The following EFCAB9 variants were observed in gnomAD, a reference collection of about 807,000 sequenced individuals.
EFCAB9 encodes EF-hand calcium binding domain 9, also known as EF-hand calcium-binding domain-containing protein 9.
Under a neutral mutation model 15.6 loss-of-function variants are expected in EFCAB9, and 16 were observed. The ratio of observed to expected loss-of-function variants is 1.03; its 90% CI spans 0.69 to 1.56. EFCAB9 has a LOEUF of 1.56. Among genes scored for constraint, EFCAB9 ranks in the 40% most tolerant of loss-of-function variants. The pLI, the probability that EFCAB9 is intolerant of heterozygous loss-of-function variation, is 0.00. For synonymous variants in EFCAB9, 76 were observed against 85.4 expected, an observed-to-expected ratio of 0.89 and a Z score of 0.61; for missense variants, 208 against 235.4, an observed-to-expected ratio of 0.88 and a Z score of 0.76.
chr5:172,198,673 G>T (rs905792580), intron 1 of EFCAB9, among the ~76,000 whole-genome samples: 1 of 152,160 alleles, frequency 6.6e-6, no homozygotes, highest in Non-Finnish European at 1.5e-5. Context: ...CTGGAGTGCA[G>T]CAGCACGATC....
intron 1 of EFCAB9, among the ~76,000 whole-genome samples, chr5:172,197,331 T>A (rs1459403584): frequency 2.0e-5 from 3 of 152,156 alleles, no homozygotes; most frequent in Non-Finnish European, 4.4e-5. Flanking sequence ...GATCTCGAAC[T>A]CGTGACCTCA....
rs1469226119 is a variant in EFCAB9 at position 172,200,700 on chromosome 5, ACTCAAAGAT to A, written c.424_432del (p.Lys142_Leu144del). The A allele has an allele frequency of 6.5e-7, 1 of 1,537,548 alleles. No individual in the cohort carries two copies. The highest frequency in any genetic ancestry group is 2.4e-5 in the East Asian group (1 of 40,920). On this transcript the variant is annotated inframe_deletion, in exon 3 of 4. Transcript: ENST00000398186. ...TTCTCTTCAATATTCAAAAACAGGA[ACTCAAAGAT>A]CTCTTCCGTGACTTTGACATTACAG...
intron 3 of EFCAB9, among the ~76,000 whole-genome samples, chr5:172,201,984 G>A (rs1771262798): frequency 1.3e-5 from 2 of 152,176 alleles, no homozygotes; most frequent in Non-Finnish European, 2.9e-5. Flanking sequence ...CCAGCCTGAA[G>A]CCTCTGGACT....
At chr5:172,200,796 G>C in intron 3 of EFCAB9, 54 bp downstream of exon 3, 1 of 1,481,692 alleles carries the variant, frequency 6.7e-7, no homozygotes, top group South Asian at 1.3e-5. Context: ...CCCAAAAGCA[G>C]AGAAAAATGT....
intron 2 of EFCAB9, 78 bp from the exon 3 acceptor site, chr5:172,200,488 G>C: frequency 7.2e-7 from 1 of 1,392,092 alleles, no homozygotes; most frequent in Non-Finnish European, 9.5e-7. Context: ...GGCTGGTGAA[G>C]ATATGTCTTG....
intron 1 of EFCAB9, among the ~76,000 whole-genome samples, chr5:172,197,041 A>G (rs893338213): frequency 6.6e-6 from 1 of 152,200 alleles, no homozygotes; most frequent in Non-Finnish European, 1.5e-5. Context: ...CACCATGGAA[A>G]AAAACACCAC....
At chr5:172,196,969 A>AT (rs1771174868) in intron 1 of EFCAB9, among the ~76,000 whole-genome samples, 1 of 152,150 alleles carries the variant, frequency 6.6e-6, no homozygotes, top group Non-Finnish European at 1.5e-5. Context: ...GTTTTTCAGT[A>AT]TTTTTTCTTC....
chr5:172,202,785 A>G (rs914235178), intron 3 of EFCAB9, among the ~76,000 whole-genome samples: 3 of 151,746 alleles, frequency 2.0e-5, no homozygotes, highest in South Asian at 2.1e-4. Context: ...GCGGGTCATG[A>G]GGTCAGGAGT....
intron 1 of EFCAB9, among the ~76,000 whole-genome samples, chr5:172,194,558 C>G (rs1771126724): frequency 6.6e-6 from 1 of 152,126 alleles, no homozygotes; most frequent in East Asian, 1.9e-4. Context: ...TGCCACCACG[C>G]CTGGCTAATT....
Position 172,194,238 on chromosome 5 carries a change from C to T in EFCAB9, c.66C>T (p.Ser22=), listed in dbSNP as rs780428536. 1.5e-5 allele frequency: 23 copies of T among 1,537,618 alleles called. No individual in the cohort carries two copies. The Admixed American group carries it at 2.0e-4, about 13-fold the overall frequency. ...LYLDKIYCLL[S]VRNVKALAEY... ...TGGACAAAATATACTGCTTATTATC[C>T]GTGAGAAACGTGAAGGCTTTGGCAG... The change falls in exon 1 of 4, where the codon TCC becomes TCT. Residue 22 remains serine, a synonymous_variant. Coordinates refer to ENST00000398186, the MANE Select transcript of EFCAB9 (RefSeq NM_001171183.2).
chr5:172,194,377 C>T (rs1771121196), intron 1 of EFCAB9, 69 bp downstream of exon 1: 14 of 1,487,968 alleles, frequency 9.4e-6, no homozygotes, highest in Admixed American at 4.8e-5. Flanking sequence ...AGAAAACTTG[C>T]AGAGCCAGAA....
chr5:172,194,350 G>A (rs999266575), intron 1 of EFCAB9, 42 bp downstream of exon 1: 1 of 1,523,958 alleles, frequency 6.6e-7, no homozygotes, highest in East Asian at 2.5e-5. Context: ...CCTTACCTGG[G>A]TTTTAGCTAA....
chr5:172,196,472 C>T (rs370357394), intron 1 of EFCAB9, among the ~76,000 whole-genome samples: 3 of 151,934 alleles, frequency 2.0e-5, no homozygotes, highest in Non-Finnish European at 2.9e-5. Flanking sequence ...CTGTAACCTC[C>T]GCCTCCTGGG....
chr5:172,203,308 GAA>G lies in EFCAB9; in HGVS notation c.559_560del (p.Lys187GlufsTer15). 1 of 1,536,304 alleles carries G rather than the reference GAA, an allele frequency of 6.5e-7. No individual in the cohort carries two copies. On this transcript the variant is annotated frameshift_variant, in exon 4 of 4. Transcript: ENST00000398186. LOFTEE classifies it low-confidence loss of function (END_TRUNC). ...ACAGAGGAGAAAGAAAAAGGAGAGA[GAA>G]AGAGAAGTCTCTACTCAAAATGTCA...
intron 3 of EFCAB9, among the ~76,000 whole-genome samples, chr5:172,201,020 G>T (rs1193522629): frequency 6.6e-6 from 1 of 151,470 alleles, no homozygotes; most frequent in Non-Finnish European, 1.5e-5. Context: ...ATCACCTGAG[G>T]ACAGGAGTTT....
In EFCAB9 at chr5:172,199,370, C is replaced by T; in HGVS notation, c.137-13C>T. On this transcript the variant is annotated splice_polypyrimidine_tract_variant and intron_variant, in intron 1 of 3. Transcript: ENST00000398186. The stretch of plus-strand genomic sequence containing the variant: ...TCCAAATAACACATCTCCTCACCTG[C>T]CCACCTTAACAGATGTGCTGTTCTA... 2.0e-6 allele frequency: 3 copies of T among 1,536,916 alleles called. No individual in the cohort carries two copies. Among genetic ancestry groups the T allele is most frequent in the Non-Finnish European group, 2.6e-6 (3 of 1,146,718 alleles).
In EFCAB9 at chr5:172,200,495, C is replaced by A. The variant is rs1000604132; in HGVS notation, c.286-71C>A. The A allele has an allele frequency of 6.3e-6, 9 of 1,439,164 alleles. No individual in the cohort carries two copies. In the African/African-American group the frequency reaches 1.3e-4, roughly 21 times the overall value. The allele number at this position is 1,439,164 out of a possible 1,614,324, so 89.1% of individuals were successfully genotyped here. A position where few individuals can be genotyped will look rare whatever the true frequency, so the allele number is the denominator to read the frequency against. On this transcript the variant is annotated intron_variant, in intron 2 of 3. Coordinates refer to ENST00000398186, the MANE Select transcript of EFCAB9 (RefSeq NM_001171183.2). ...AGGGAAGGGGCTGGTGAAGATATGT[C>A]TTGAGGAAACAAGTTTAGAAAGCAG...
At chr5:172,197,115 T>C (rs961496271) in intron 1 of EFCAB9, among the ~76,000 whole-genome samples, 1 of 152,054 alleles carries the variant, frequency 6.6e-6, no homozygotes, top group African/African-American at 2.4e-5. Flanking sequence ...CAACTTTTTT[T>C]TTTTTTTTTT....
intron 1 of EFCAB9, among the ~76,000 whole-genome samples, chr5:172,195,182 A>AT (rs1771138860): frequency 7.2e-6 from 1 of 138,150 alleles, no homozygotes; most frequent in Non-Finnish European, 1.6e-5. Flanking sequence ...ATAAATAAAT[A>AT]AAAATAAATA....
Sources: gnomAD v4.1 joint callset for allele counts (sites outside exome capture counted in the v4.1 genomes callset) on GRCh38, gnomAD v4.1.1 for gene constraint, MANE v1.5 for transcripts, NCBI Gene and HGNC (gene_info 2026-07-23, HGNC 2026-07-21) for gene names.